FEM1C: variants seen among roughly 807,000 people sequenced by gnomAD.
The protein encoded by FEM1C is fem-1 homolog C.
In FEM1C, 15 loss-of-function variants were observed where a neutral mutation model predicts 37.6. That is an observed-to-expected ratio of 0.40 (90% confidence interval 0.27 to 0.61). The LOEUF (loss-of-function observed/expected upper bound fraction) is 0.61. FEM1C is among the 20% of genes least tolerant of loss of function. The probability of loss-of-function intolerance (pLI) is 0.42; values close to 1 mark genes in which losing one functional copy is unlikely to be tolerated. For synonymous variants in FEM1C, 287 were observed against 272.8 expected (o/e 1.05, Z -0.51); for missense variants, 532 against 749.7 (o/e 0.71, Z 3.39).
chr5:115,536,232 G>T (rs191418567), intron 2 of FEM1C, among the ~76,000 whole-genome samples: 1 of 152,048 alleles, frequency 6.6e-6, no homozygotes, highest in African/African-American at 2.4e-5. Context: ...TCTCAATAAG[G>T]CTGTTTTAAA....
chr5:115,535,912 A>G (rs1307231667), intron 2 of FEM1C, among the ~76,000 whole-genome samples: 3 of 152,094 alleles, frequency 2.0e-5, no homozygotes, highest in African/African-American at 7.2e-5. Flanking sequence ...CATACATGCT[A>G]CAAAATGGAT....
At position 115,524,949 on chromosome 5, in the gene FEM1C, T is replaced by G. The variant is rs751315990; in HGVS notation, c.1213A>C (p.Thr405Pro). The change falls in exon 3 of 3, where the codon ACT becomes CCT. Residue 405 changes from threonine to proline, a missense_variant. By Grantham distance (38) the Thr-to-Pro change is conservative. Around this residue, in one of 3 missense-constraint regions of FEM1C, gnomAD observed 237 missense variants for 260.5 expected, o/e 0.91. Coordinates refer to ENST00000274457, the MANE Select transcript of FEM1C (RefSeq NM_020177.3). ...QDRAKGLLGTTVTFDDLMGIL... is the reference protein window; with the variant it reads ...QDRAKGLLGTPVTFDDLMGIL... The stretch of plus-strand genomic sequence containing the variant: ...CCCATAAGATCATCAAATGTAACAG[T>G]AGTACCCAGCAGGCCTTTAGCCCTA... 2 of 1,613,732 alleles carry G rather than the reference T, an allele frequency of 1.2e-6. No homozygotes were observed. Among genetic ancestry groups the G allele is most frequent in the Admixed American group, 3.3e-5 (2 of 59,902 alleles).
intron 2 of FEM1C, among the ~76,000 whole-genome samples, chr5:115,529,008 A>G (rs973223043): frequency 1.3e-5 from 2 of 152,090 alleles, no homozygotes; most frequent in Admixed American, 1.3e-4. Flanking sequence ...AGAAAGAAGC[A>G]GGGAGTGGTA....
At chr5:115,534,886 A>G (rs1323704690) in intron 2 of FEM1C, among the ~76,000 whole-genome samples, 1 of 151,966 alleles carries the variant, frequency 6.6e-6, no homozygotes, top group Non-Finnish European at 1.5e-5. Context: ...AAGAAAATAG[A>G]GAAGGATTCT....
chr5:115,531,256 T>A (rs1754008959), intron 2 of FEM1C, among the ~76,000 whole-genome samples: 1 of 152,052 alleles, frequency 6.6e-6, no homozygotes, highest in Non-Finnish European at 1.5e-5. Flanking sequence ...CTTCAACCAA[T>A]CACATCACTT....
At chr5:115,542,419 G>A (rs1419456808) in intron 2 of FEM1C, among the ~76,000 whole-genome samples, 1 of 152,014 alleles carries the variant, frequency 6.6e-6, no homozygotes, top group Non-Finnish European at 1.5e-5. Context: ...TAGAATAAGG[G>A]AACAGATTTG....
In FEM1C at chr5:115,524,893, C is replaced by G. The variant is rs1259066136; in HGVS notation, c.1269G>C (p.Glu423Asp). 4 of 1,613,640 alleles carry G rather than the reference C, an allele frequency of 2.5e-6. No individual in the cohort carries two copies. In the Admixed American group the frequency reaches 6.7e-5, roughly 27 times the overall value. Residue 423 changes from glutamate (E) to aspartate (D), a missense_variant, in exon 3 of 3, where the codon GAG (glutamate) becomes GAC (aspartate). By Grantham distance (45) the Glu-to-Asp change is conservative (BLOSUM62 2). Transcript: ENST00000274457. ...GILCKSVLEI[E>D]RAIKQTQCPA... The stretch of plus-strand genomic sequence containing the variant: ...GACACTGAGTTTGTTTGATAGCTCG[C>G]TCTATTTCAAGGACGCTTTTGCAAA...
At chr5:115,531,392 CTA>C (rs1754011830) in intron 2 of FEM1C, among the ~76,000 whole-genome samples, 1 of 152,122 alleles carries the variant, frequency 6.6e-6, no homozygotes, top group African/African-American at 2.4e-5. Context: ...AGGAAGAAAT[CTA>C]TAGTTTCAGA....
chr5:115,522,866 CT>C lies in FEM1C; in HGVS notation c.*1441del, dbSNP rs34984849. 6.6e-6 allele frequency: 1 copy of C among 152,236 alleles called. No individual in the cohort carries two copies. Among genetic ancestry groups the C allele is most frequent in the African/African-American group, 2.4e-5 (1 of 41,364 alleles). The allele number at this position is 152,236 out of a possible 1,614,324, so 9.4% of individuals were successfully genotyped here. A position where few individuals can be genotyped will look rare whatever the true frequency, so the allele number is the denominator to read the frequency against. On this transcript the variant is annotated 3_prime_UTR_variant, in exon 3 of 3. Transcript: ENST00000274457. ...AGTGCTGAATGATAATTACCTGAAT[CT>C]TTTTTAGTACTTTTCACTTATCTTA...
At position 115,543,334 on chromosome 5, in the gene FEM1C, G is replaced by A; in HGVS notation, c.160C>T (p.Leu54Phe). 6.2e-7 allele frequency: 1 copy of A among 1,614,212 alleles called. No homozygotes were observed. Residue 54 changes from leucine to phenylalanine, a missense_variant, in exon 2 of 3, where the codon CTT becomes TTT. Around this residue, in one of 3 missense-constraint regions of FEM1C, gnomAD observed 74 missense variants for 85.0 expected, o/e 0.87. Coordinates refer to ENST00000274457, the MANE Select transcript of FEM1C (RefSeq NM_020177.3). The stretch of plus-strand genomic sequence containing the variant: ...TCTAGGAGGAATTCCACCATGTCAA[G>A]GTGCCCATACCTGGCGGCCATCAAG... ...PLLMAARYGH[L>F]DMVEFLLEQC... is the part of the protein sequence containing the mutation.
intron 2 of FEM1C, among the ~76,000 whole-genome samples, chr5:115,539,139 A>G (rs1471661702): frequency 1.3e-5 from 2 of 152,052 alleles, no homozygotes; most frequent in Non-Finnish European, 2.9e-5. Context: ...TACTTTGGGT[A>G]TCTAAACTGA....
intron 2 of FEM1C, among the ~76,000 whole-genome samples, chr5:115,527,575 C>CTT (rs1176008352): frequency 6.6e-6 from 1 of 152,128 alleles, no homozygotes; most frequent in Non-Finnish European, 1.5e-5. Flanking sequence ...TTTAAACACT[C>CTT]TTTTGTATTA....
Position 115,521,638 on chromosome 5 carries a change from C to G in FEM1C, c.*2670G>C, listed in dbSNP as rs902387685. 6.6e-6 allele frequency: 1 copy of G among 151,822 alleles called. No homozygotes were observed. Among genetic ancestry groups the G allele is most frequent in the Non-Finnish European group, 1.5e-5 (1 of 67,828 alleles). 9.4% of individuals were successfully genotyped at this position (151,822 alleles called of 1,614,324 possible). A position where few individuals can be genotyped will look rare whatever the true frequency, so the allele number is the denominator to read the frequency against. On this transcript the variant is annotated 3_prime_UTR_variant, in exon 3 of 3. Coordinates refer to ENST00000274457, the MANE Select transcript of FEM1C (RefSeq NM_020177.3). The stretch of plus-strand genomic sequence containing the variant: ...GGCATTTTCATAGAAATGTTAATAA[C>G]TTACACATTAACTCCAGTCAATAAC...
chr5:115,523,383 A>G lies in FEM1C; in HGVS notation c.*925T>C, dbSNP rs1753814503. The G allele has an allele frequency of 6.6e-6, 1 of 152,460 alleles. No homozygotes were observed. The highest frequency in any genetic ancestry group is 1.5e-5 in the Non-Finnish European group (1 of 67,942). The allele number at this position is 152,460 out of a possible 1,614,324, so 9.4% of individuals were successfully genotyped here. On this transcript the variant is annotated 3_prime_UTR_variant, in exon 3 of 3. Transcript: ENST00000274457. ...TTAAGCAAATTCTCTACACCTAATCACACCATCAGCACAAGCAGGACAATG... is the reference window on the plus strand; with the variant it reads ...TTAAGCAAATTCTCTACACCTAATCGCACCATCAGCACAAGCAGGACAATG...
intron 2 of FEM1C, among the ~76,000 whole-genome samples, chr5:115,538,120 CT>C (rs1176546345): frequency 6.6e-6 from 1 of 151,868 alleles, no homozygotes; most frequent in Non-Finnish European, 1.5e-5. Flanking sequence ...TTTTTTTAAA[CT>C]TTAGCAAATG....
At chr5:115,544,261 C>CTTGGCCGGGGGTGGGGGGTGAT in intron 1 of FEM1C, 1 of 801,520 alleles carries the variant, frequency 1.2e-6, no homozygotes, top group Non-Finnish European at 1.5e-6. Flanking sequence ...TCGATCACCC[C>CTTGGCCGGGGGTGGGGGGTGAT]CCACCCCCCG....
At chr5:115,531,904 G>C (rs1010426062) in intron 2 of FEM1C, among the ~76,000 whole-genome samples, 2 of 151,908 alleles carry the variant, frequency 1.3e-5, no homozygotes, top group Admixed American at 1.3e-4. Flanking sequence ...CACACACAAG[G>C]GAGAAATTCT....
rs1455392746 is a variant in FEM1C at position 115,542,830 on chromosome 5, T to C, written c.544+120A>G. 120 of 1,182,748 alleles carry C rather than the reference T, an allele frequency of 1.0e-4. 2 individuals are homozygous for C. The East Asian group carries it at 2.8e-3, about 28-fold the overall frequency. The allele number at this position is 1,182,748 out of a possible 1,614,324, so 73.3% of individuals were successfully genotyped here. ...ACTCAACAAAGTCATACTGGAAGAC[T>C]TACCTAATCAAAACAGGTCTGTCAA... On this transcript the variant is annotated intron_variant, in intron 2 of 2. Coordinates refer to ENST00000274457, the MANE Select transcript of FEM1C (RefSeq NM_020177.3).
chr5:115,533,487 G>A (rs1435556056), intron 2 of FEM1C, among the ~76,000 whole-genome samples: 2 of 152,008 alleles, frequency 1.3e-5, no homozygotes, highest in Admixed American at 6.6e-5. Context: ...CTTGTGACTA[G>A]TATGTACTGT....
Sources: allele counts gnomAD v4.1 joint callset (sites outside exome capture counted in the v4.1 genomes callset), GRCh38; gene constraint gnomAD v4.1.1; regional missense constraint gnomAD v4.1.1; transcripts MANE v1.5; gene names NCBI Gene and HGNC (gene_info 2026-07-23, HGNC 2026-07-21).